Variants in CMTM8 observed in about 807,000 individuals in gnomAD.
CMTM8 encodes CKLF like MARVEL transmembrane domain containing 8.
Under a neutral mutation model 18.6 loss-of-function variants are expected in CMTM8, and 12 were observed. That is an observed-to-expected ratio of 0.65 (90% CI 0.41 to 1.05). The LOEUF (loss-of-function observed/expected upper bound fraction) is 1.05. CMTM8 is among the 50% of genes least tolerant of loss of function. The pLI is 0.00. For missense variants in CMTM8, 217 were observed against 227.2 expected (o/e 0.95, Z 0.29); for synonymous variants, 87 against 90.6 (o/e 0.96, Z 0.23).
chr3:32,353,147 C>T (rs1170239760), intron 1 of CMTM8, among the ~76,000 whole-genome samples: 5 of 152,312 alleles, frequency 3.3e-5, no homozygotes, highest in African/African-American at 1.2e-4. Context: ...GCATGCACCA[C>T]CATGCCCAGC....
At chr3:32,316,054 T>C (rs1282895744) in intron 1 of CMTM8, among the ~76,000 whole-genome samples, 1 of 139,294 alleles carries the variant, frequency 7.2e-6, no homozygotes, top group Non-Finnish European at 1.5e-5. Flanking sequence ...TGAGATGGAG[T>C]CTTGCTCTGT....
At chr3:32,305,232 CTT>C (rs397693052) in intron 1 of CMTM8, among the ~76,000 whole-genome samples, 2 of 127,544 alleles carry the variant, frequency 1.6e-5, no homozygotes, top group East Asian at 2.3e-4. Flanking sequence ...TGACTGGAGG[CTT>C]TTTTTTTTTT....
At chr3:32,268,272 T>G (rs1702379645) in intron 1 of CMTM8, among the ~76,000 whole-genome samples, 1 of 152,098 alleles carries the variant, frequency 6.6e-6, no homozygotes, top group Admixed American at 6.6e-5. Context: ...CTATAAAAAA[T>G]GATGAGTTCA....
chr3:32,298,641 TA>T (rs963111414), intron 1 of CMTM8, among the ~76,000 whole-genome samples: 32 of 150,796 alleles, frequency 2.1e-4, no homozygotes, highest in Admixed American at 1.5e-3. Flanking sequence ...TGCTGCTTTT[TA>T]AAAAAAATTT....
chr3:32,296,115 C>A (rs1415938755), intron 1 of CMTM8, among the ~76,000 whole-genome samples: 1 of 152,132 alleles, frequency 6.6e-6, no homozygotes, highest in Non-Finnish European at 1.5e-5. Context: ...ACAATCAGGA[C>A]TTCTTTGCTT....
chr3:32,351,669 A>G (rs1696710016), intron 1 of CMTM8, among the ~76,000 whole-genome samples: 1 of 151,732 alleles, frequency 6.6e-6, no homozygotes, highest in Non-Finnish European at 1.5e-5. Context: ...TCTTGATCAC[A>G]CCACTGCACT....
chr3:32,366,847 C>G (rs1309492177), intron 2 of CMTM8, among the ~76,000 whole-genome samples: 1 of 107,150 alleles, frequency 9.3e-6, no homozygotes, highest in African/African-American at 3.0e-5. Flanking sequence ...GTTTCGGCAG[C>G]CTGACCCTGG....
intron 1 of CMTM8, among the ~76,000 whole-genome samples, chr3:32,354,981 A>C (rs551917153): frequency 2.0e-5 from 3 of 152,330 alleles, no homozygotes; most frequent in Admixed American, 2.0e-4. Flanking sequence ...TCCATTAAGC[A>C]TCTTGTCTCT....
chr3:32,249,073 C>G (rs1359933234), intron 1 of CMTM8, among the ~76,000 whole-genome samples: 1 of 113,598 alleles, frequency 8.8e-6, no homozygotes, highest in African/African-American at 3.4e-5. Flanking sequence ...CGGAGTCTCA[C>G]GCTTTCGCCC....
At chr3:32,362,046 C>CTTTTTTTCTTTT (rs1553608243) in intron 2 of CMTM8, among the ~76,000 whole-genome samples, 1 of 92,068 alleles carries the variant, frequency 1.1e-5, no homozygotes, top group African/African-American at 3.9e-5. Flanking sequence ...ATTTTCTTTT[C>CTTTTTTTCTTTT]TTTTTTTTTT....
chr3:32,349,549 T>C (rs202052513), intron 1 of CMTM8, among the ~76,000 whole-genome samples: 1 of 152,158 alleles, frequency 6.6e-6, no homozygotes, highest in Admixed American at 6.5e-5. Flanking sequence ...TCAGAAGTAA[T>C]TTTGCCTCCC....
chr3:32,266,344 T>A (rs367879015), intron 1 of CMTM8, among the ~76,000 whole-genome samples: 2 of 152,086 alleles, frequency 1.3e-5, no homozygotes, highest in Admixed American at 6.6e-5. Context: ...ACAGAACCAA[T>A]GACAAAAACC....
chr3:32,266,375 G>A (rs370511570), intron 1 of CMTM8, among the ~76,000 whole-genome samples: 2 of 152,166 alleles, frequency 1.3e-5, no homozygotes, highest in African/African-American at 2.4e-5. Flanking sequence ...CTCAATAGAT[G>A]CAGAAAAGGC....
At chr3:32,316,977 C>G (rs1244451511) in intron 1 of CMTM8, among the ~76,000 whole-genome samples, 1 of 152,214 alleles carries the variant, frequency 6.6e-6, no homozygotes, top group Non-Finnish European at 1.5e-5. Flanking sequence ...CCTAGACTTA[C>G]ATATTACTCT....
At position 32,253,823 on chromosome 3, in the gene CMTM8, C is replaced by T. The variant is rs115641393; in HGVS notation, c.147+14704C>T. Among the ~76,000 whole-genome samples the T allele has an allele frequency of 6.8e-3, 1,034 of 152,280 alleles. 15 individuals carry two copies. The highest frequency in any genetic ancestry group is 0.024 in the African/African-American group (999 of 41,558). ...GAACTAATGACCTCAGACAATCCTCCCACCTCAGCCTCCCAAGTAGCTGGG... is the reference window on the plus strand; with the variant it reads ...GAACTAATGACCTCAGACAATCCTCTCACCTCAGCCTCCCAAGTAGCTGGG... On this transcript the variant is annotated intron_variant, in intron 1 of 3. Coordinates refer to ENST00000307526, the MANE Select transcript of CMTM8 (RefSeq NM_178868.5).
intron 1 of CMTM8, among the ~76,000 whole-genome samples, chr3:32,242,694 T>C (rs538766165): frequency 1.3e-5 from 2 of 152,306 alleles, no homozygotes; most frequent in South Asian, 4.1e-4. Context: ...TGTTGAACCT[T>C]CTTTTTCCCA....
intron 1 of CMTM8, among the ~76,000 whole-genome samples, chr3:32,275,899 C>T (rs998172125): frequency 5.3e-5 from 8 of 152,142 alleles, no homozygotes; most frequent in Admixed American, 2.0e-4. Flanking sequence ...ATCTGCCTGA[C>T]TCAGCCTCCC....
intron 1 of CMTM8, among the ~76,000 whole-genome samples, chr3:32,302,101 G>A (rs1314319066): frequency 2.0e-5 from 3 of 151,088 alleles, no homozygotes; most frequent in Non-Finnish European, 2.9e-5. Flanking sequence ...GGGGGGCCAA[G>A]GCAGGAGACC....
intron 1 of CMTM8, among the ~76,000 whole-genome samples, chr3:32,294,526 C>A (rs986627230): frequency 6.6e-6 from 1 of 152,170 alleles, no homozygotes; most frequent in Admixed American, 6.5e-5. Flanking sequence ...TGAATTCCAG[C>A]CTTACCACTT....
Sources: gnomAD v4.1 joint callset for allele counts (sites outside exome capture counted in the v4.1 genomes callset) on GRCh38, gnomAD v4.1.1 for gene constraint, MANE v1.5 for transcripts, NCBI Gene and HGNC (gene_info 2026-07-23, HGNC 2026-07-21) for gene names.